CYRIB: variants seen among roughly 807,000 people sequenced by gnomAD.
CYRIB encodes CYFIP related Rac1 interactor B.
Under a neutral mutation model 44.2 loss-of-function variants are expected in CYRIB, and 8 were observed. The ratio of observed to expected loss-of-function variants is 0.18; its 90% CI spans 0.11 to 0.33. The LOEUF is 0.33. Ranked by LOEUF, CYRIB falls within the 10% of genes least tolerant of loss-of-function variation. The pLI is 1.00. For missense variants in CYRIB, 185 were observed against 382.8 expected, an observed-to-expected ratio of 0.48 and a Z score of 4.31; for synonymous variants, 131 against 127.2, an observed-to-expected ratio of 1.03 and a Z score of -0.20.
In CYRIB at chr8:129,893,742, C is replaced by T. The variant is rs1286897286; in HGVS notation, c.-11+9570G>A. ...TAGAGATGGGTTCTCGCTATGTTGT[C>T]CAGGCTGGACTTGAACTCCTGGCCT... On this transcript the variant is annotated intron_variant, in intron 2 of 11. Coordinates refer to ENST00000519824, the Ensembl canonical transcript of CYRIB. 3.3e-5 allele frequency among the ~76,000 whole-genome samples: 5 copies of T among 151,950 alleles called. No individual in the cohort carries two copies. The East Asian group carries it at 5.8e-4, about 18-fold the overall frequency.
intron 1 of CYRIB, among the ~76,000 whole-genome samples, chr8:129,929,985 G>A (rs2090249473): frequency 6.6e-6 from 1 of 152,090 alleles, no homozygotes; most frequent in Admixed American, 6.6e-5. Flanking sequence ...GGCTAAGGCA[G>A]GTAGATCACA....
intron 1 of CYRIB, among the ~76,000 whole-genome samples, chr8:130,010,846 A>T (rs1592488885): frequency 6.6e-6 from 1 of 152,310 alleles, no homozygotes; most frequent in East Asian, 1.9e-4. Flanking sequence ...CACTGCACTC[A>T]AAGTATGGTC....
intron 1 of CYRIB, among the ~76,000 whole-genome samples, chr8:129,928,689 A>G (rs2089538127): frequency 6.6e-6 from 1 of 152,034 alleles, no homozygotes; most frequent in South Asian, 2.1e-4. Context: ...AGAAAAGAAA[A>G]GAAGAAAATG....
At chr8:129,965,522 C>T (rs1036593579) in intron 2 of CYRIB, among the ~76,000 whole-genome samples, 1 of 152,200 alleles carries the variant, frequency 6.6e-6, no homozygotes, top group African/African-American at 2.4e-5. Context: ...TCAGGCCGGG[C>T]GCGGTGGCTC....
intron 1 of CYRIB, among the ~76,000 whole-genome samples, chr8:130,006,304 A>G (rs1264616851): frequency 6.6e-6 from 1 of 151,518 alleles, no homozygotes; most frequent in East Asian, 1.9e-4. Context: ...CTCTGTCTCA[A>G]AAGAAAAAAA....
chr8:129,919,369 A>C (rs1474489268), intron 1 of CYRIB, among the ~76,000 whole-genome samples: 1 of 152,226 alleles, frequency 6.6e-6, no homozygotes, highest in Non-Finnish European at 1.5e-5. Context: ...AACTCAACAA[A>C]GATCAGTTAC....
intron 1 of CYRIB, among the ~76,000 whole-genome samples, chr8:129,988,289 G>A (rs558089298): frequency 1.8e-4 from 27 of 152,208 alleles, no homozygotes; most frequent in Non-Finnish European, 3.7e-4. Context: ...ATCTTGCTTC[G>A]GCACGCTGCT....
At chr8:129,860,443 T>C (rs1026644370) in intron 5 of CYRIB, among the ~76,000 whole-genome samples, 2 of 152,188 alleles carry the variant, frequency 1.3e-5, no homozygotes, top group Admixed American at 6.5e-5. Flanking sequence ...CTACAAACTA[T>C]AGAGACTCTT....
intron 1 of CYRIB, among the ~76,000 whole-genome samples, chr8:129,971,468 T>C (rs993168970): frequency 2.0e-5 from 3 of 152,188 alleles, no homozygotes; most frequent in African/African-American, 7.2e-5. Flanking sequence ...CTCAAAATAG[T>C]CTGGTATATT....
intron 1 of CYRIB, among the ~76,000 whole-genome samples, chr8:129,987,404 G>A (rs1036783537): frequency 6.6e-6 from 1 of 152,016 alleles, no homozygotes; most frequent in African/African-American, 2.4e-5. Flanking sequence ...CTACCATTTC[G>A]GGTCTGACTG....
chr8:129,874,041 GA>G (rs1400777337), intron 3 of CYRIB, among the ~76,000 whole-genome samples: 6 of 151,760 alleles, frequency 4.0e-5, no homozygotes, highest in Non-Finnish European at 7.4e-5. Context: ...TAGGAAGGGG[GA>G]AAAGCTGTAT....
intron 1 of CYRIB, among the ~76,000 whole-genome samples, chr8:129,919,164 A>C (rs1462692817): frequency 6.6e-6 from 1 of 152,156 alleles, no homozygotes; most frequent in East Asian, 1.9e-4. Flanking sequence ...GTGCCCACCC[A>C]GCCTACAGAT....
chr8:129,932,508 G>C (rs1427455423), intron 1 of CYRIB, among the ~76,000 whole-genome samples: 2 of 152,100 alleles, frequency 1.3e-5, no homozygotes, highest in African/African-American at 2.4e-5. Flanking sequence ...AGTACTACCT[G>C]GTCCTCTTCA....
Position 129,954,498 on chromosome 8 carries a change from C to T in CYRIB, c.-243+16445G>A, listed in dbSNP as rs766357830. On this transcript the variant is annotated intron_variant, in intron 2 of 14. Transcript: ENST00000401979. ...TCAGTCTCCCAAAGTGCTGGGATTA[C>T]GTGCTTGAGCCACTGCGCCTGGCCT... Among the ~76,000 whole-genome samples, 3 of 148,848 alleles carry T rather than the reference C, an allele frequency of 2.0e-5. No individual in the cohort carries two copies. In the South Asian group the frequency reaches 6.5e-4, roughly 32 times the overall value.
intron 2 of CYRIB, among the ~76,000 whole-genome samples, chr8:129,963,567 G>A (rs116713631): frequency 2.1e-4 from 32 of 152,308 alleles, no homozygotes; most frequent in African/African-American, 7.5e-4. Flanking sequence ...ACAGAGCAAT[G>A]GCGATTAAAC....
intron 1 of CYRIB, among the ~76,000 whole-genome samples, chr8:129,903,751 A>G (rs2073668291): frequency 6.6e-6 from 1 of 152,236 alleles, no homozygotes; most frequent in African/African-American, 2.4e-5. Flanking sequence ...TATATTTCTT[A>G]TCACAGTTTA....
intron 2 of CYRIB, among the ~76,000 whole-genome samples, chr8:129,901,292 T>C (rs1329696150): frequency 6.6e-6 from 1 of 152,054 alleles, no homozygotes; most frequent in Admixed American, 6.5e-5. Context: ...GTGAGATCTT[T>C]GCTCACTGCA....
rs151294942 is a variant in CYRIB at position 129,958,293 on chromosome 8, G to A, written c.-243+12650C>T. Among the ~76,000 whole-genome samples, 31 of 152,316 alleles carry A rather than the reference G, an allele frequency of 2.0e-4. 1 individual carries two copies. In the Middle Eastern group the frequency reaches 0.02, roughly 100 times the overall value. ...GTGAAGTGTGTACACACACACTGGGGGCAGAGCAGTGTGAAAACATTCTGC... is the reference window on the plus strand; with the variant it reads ...GTGAAGTGTGTACACACACACTGGGAGCAGAGCAGTGTGAAAACATTCTGC... On this transcript the variant is annotated intron_variant, in intron 2 of 14. Transcript: ENST00000401979.
intron 2 of CYRIB, among the ~76,000 whole-genome samples, chr8:129,961,990 C>T (rs1418728160): frequency 9.2e-5 from 14 of 152,190 alleles, no homozygotes; most frequent in Admixed American, 9.2e-4. Flanking sequence ...TGGCTTGTGC[C>T]TGTAATCTCA....
Sources: allele counts gnomAD v4.1 joint callset (sites outside exome capture counted in the v4.1 genomes callset), GRCh38; gene constraint gnomAD v4.1.1; transcripts MANE v1.5; gene names NCBI Gene and HGNC (gene_info 2026-07-23, HGNC 2026-07-21).